Variants in GRK7 observed in about 807,000 individuals in gnomAD.
The protein encoded by GRK7 is G protein-coupled receptor kinase 7.
Under a neutral mutation model 34.1 loss-of-function variants are expected in GRK7, and 24 were observed. The ratio of observed to expected loss-of-function variants is 0.70; its 90% CI spans 0.51 to 0.99. The LOEUF is 0.99. GRK7 is among the 50% of genes least tolerant of loss of function. The pLI is 0.00. For synonymous variants in GRK7, 256 were observed against 279.4 expected (o/e 0.92, Z 0.84); for missense variants, 644 against 707.3 (o/e 0.91, Z 1.02).
intron 5 of GRK7, among the ~76,000 whole-genome samples, chr3:141,814,550 A>G (rs1053307253): frequency 7.9e-5 from 12 of 152,350 alleles, no homozygotes; most frequent in Middle Eastern, 3.4e-3. Context: ...TGCAAAGAAC[A>G]TGATTTCATT....
intron 4 of GRK7, among the ~76,000 whole-genome samples, chr3:141,794,659 C>T (rs2084740836): frequency 6.6e-6 from 1 of 152,102 alleles, no homozygotes; most frequent in African/African-American, 2.4e-5. Flanking sequence ...TGAAGTGAAA[C>T]AGATTGGAGG....
intron 5 of GRK7, among the ~76,000 whole-genome samples, chr3:141,810,832 A>G (rs1192713878): frequency 1.3e-5 from 2 of 152,148 alleles, no homozygotes; most frequent in African/African-American, 4.8e-5. Context: ...CTGCGTGCCC[A>G]GGAGTGAGAA....
At chr3:141,770,423 A>C (rs974003940) in intron 1 of GRK7, among the ~76,000 whole-genome samples, 1 of 152,204 alleles carries the variant, frequency 6.6e-6, no homozygotes, top group African/African-American at 2.4e-5. Flanking sequence ...TTCAACTAGG[A>C]GCCACCTAGT....
chr3:141,763,425 C>T lies in GRK7; in HGVS notation c.-2528C>T, dbSNP rs1165526270. ...TGCTGTAGCTTCCACCCTTAGCTCT[C>T]AAACCCACTAACTAACCCAGCAAAG... On this transcript the variant is annotated 5_prime_UTR_variant, in exon 1 of 6. Transcript: ENST00000682958. 6.6e-6 allele frequency among the ~76,000 whole-genome samples: 1 copy of T among 152,186 alleles called. No homozygotes were observed. The highest frequency in any genetic ancestry group is 1.9e-4 in the East Asian group (1 of 5,200).
chr3:141,779,685 C>T (rs894217821), intron 3 of GRK7, among the ~76,000 whole-genome samples: 8 of 152,180 alleles, frequency 5.3e-5, no homozygotes, highest in Non-Finnish European at 8.8e-5. Flanking sequence ...AGTGCCTCCC[C>T]ATCCCTCTCC....
chr3:141,786,021 A>C (rs1398508917), intron 4 of GRK7, among the ~76,000 whole-genome samples: 4 of 152,034 alleles, frequency 2.6e-5, no homozygotes, highest in Non-Finnish European at 5.9e-5. Flanking sequence ...TCTGCATTCC[A>C]GGAGAAGAAA....
chr3:141,795,696 T>C (rs1430852037), intron 4 of GRK7, among the ~76,000 whole-genome samples: 1 of 151,968 alleles, frequency 6.6e-6, no homozygotes, highest in African/African-American at 2.4e-5. Flanking sequence ...TCTCAGCATT[T>C]TGGGAGGCCA....
intron 4 of GRK7, 30 bp downstream of exon 4, chr3:141,780,841 G>A (rs367694292): frequency 9.8e-5 from 156 of 1,584,982 alleles, no homozygotes; most frequent in Non-Finnish European, 1.3e-4. Context: ...CCCCAAGTGC[G>A]GGGCACAGAG....
At chr3:141,756,329 T>G in the GRK7 span, among the ~76,000 whole-genome samples, 102,510 of 147,686 alleles carry the variant, frequency 0.69, 36,295 homozygotes, top group Middle Eastern at 0.82. Context: ...AAAAAAAAGG[T>G]GGGGGGGTGA....
chr3:141,757,129 C>CTTTTTTTTTTTTTTTTCTTTT, the GRK7 span, among the ~76,000 whole-genome samples: 1 of 101,360 alleles, frequency 9.9e-6, no homozygotes, highest in Non-Finnish European at 1.9e-5. Flanking sequence ...AGATCTTCTT[C>CTTTTTTTTTTTTTTTTCTTTT]TTTTTTTTTT....
intron 5 of GRK7, among the ~76,000 whole-genome samples, chr3:141,810,500 C>A (rs1711083138): frequency 6.6e-6 from 1 of 151,948 alleles, no homozygotes; most frequent in Non-Finnish European, 1.5e-5. Flanking sequence ...TTATTGGAGA[C>A]CTACAAATTA....
chr3:141,752,037 C>T, the GRK7 span, among the ~76,000 whole-genome samples: 157 of 152,268 alleles, frequency 1.0e-3, no homozygotes, highest in African/African-American at 3.7e-3. Flanking sequence ...CTAACTACAT[C>T]TTATCCTTAA....
In GRK7 at chr3:141,778,602, G is replaced by A. The variant is rs1373883084; in HGVS notation, c.318G>A (p.Leu106=). 6.2e-7 allele frequency: 1 copy of A among 1,612,498 alleles called. No individual in the cohort carries two copies. Among genetic ancestry groups the A allele is most frequent in the African/African-American group, 1.3e-5 (1 of 74,950 alleles). Residue 106 remains leucine (L), a synonymous_variant, in exon 3 of 6, where the codon CTG becomes CTA. Transcript: ENST00000682958. This position sits in a 1 kb window ranked among gnomAD's most constrained non-coding sequence, Gnocchi z 4.1. ...AEEGPTKDSA[L]QGLVATCASA... is the part of the protein sequence containing the mutation. ...AGGGACCCACCAAAGACAGCGCGCT[G>A]CAGGGGCTGGTGGCCACTTGTGCGA...
At chr3:141,776,324 T>C (rs2084638692) in intron 2 of GRK7, among the ~76,000 whole-genome samples, 1 of 152,018 alleles carries the variant, frequency 6.6e-6, no homozygotes, top group Non-Finnish European at 1.5e-5. Context: ...TATATATAAA[T>C]ATGTATATAT....
In GRK7 at chr3:141,815,224, TG is replaced by T. The variant is rs1320578514; in HGVS notation, c.1326-1488del. ...ACAGGCATGAGCCACCATGTCTGGT[TG>T]GTTTTTTTTGTTTGTTTGTTTGTTT... On this transcript the variant is annotated intron_variant, in intron 5 of 5. Coordinates refer to ENST00000682958, the MANE Select transcript of GRK7 (RefSeq NM_139209.3). 8.5e-4 allele frequency among the ~76,000 whole-genome samples: 105 copies of T among 123,156 alleles called. 4 individuals carry two copies. In the South Asian group the frequency reaches 0.027, roughly 32 times the overall value. The allele number at this position is 123,156 out of a possible 152,430, so 80.8% of individuals were successfully genotyped here.
chr3:141,807,921 T>C lies in GRK7; in HGVS notation c.1325+2T>C, dbSNP rs1711053878. 6.4e-7 allele frequency: 1 copy of C among 1,572,672 alleles called. No individual in the cohort carries two copies. The highest frequency in any genetic ancestry group is 8.6e-7 in the Non-Finnish European group (1 of 1,159,136). On this transcript the variant is annotated splice_donor_variant, in intron 5 of 5. Transcript: ENST00000682958. LOFTEE classifies it high-confidence loss of function. ...ACCAGAGCAACGCTTAGGAAGCAGG[T>C]AAACTAGCATGTAACAGAGAGGATT...
At position 141,764,428 on chromosome 3, in the gene GRK7, T is replaced by C. The variant is rs2084570424; in HGVS notation, c.-1525T>C. Among the ~76,000 whole-genome samples, 1 of 152,224 alleles carries C rather than the reference T, an allele frequency of 6.6e-6. No homozygotes were observed. Among genetic ancestry groups the C allele is most frequent in the South Asian group, 2.1e-4 (1 of 4,834 alleles). ...GTGACCTCCAAGTTGTTAAATTCAC[T>C]GACCAATTCTCAGTCCTTATCCCAC... On this transcript the variant is annotated 5_prime_UTR_variant, in exon 1 of 6. Transcript: ENST00000682958.
chr3:141,800,405 A>G (rs1029604728), intron 4 of GRK7, among the ~76,000 whole-genome samples: 14 of 124,382 alleles, frequency 1.1e-4, no homozygotes, highest in Non-Finnish European at 2.4e-4. Context: ...AAAAAAAAAA[A>G]CTCTTCAAAA....
At chr3:141,811,694 G>C (rs1027630018) in intron 5 of GRK7, among the ~76,000 whole-genome samples, 2 of 151,820 alleles carry the variant, frequency 1.3e-5, no homozygotes, top group Non-Finnish European at 1.5e-5. Context: ...TTAATCAAAC[G>C]AGATCACGTT....
Sources: gnomAD v4.1 joint callset for allele counts (sites outside exome capture counted in the v4.1 genomes callset) on GRCh38, gnomAD v4.1.1 for gene constraint, Gnocchi (gnomAD v3.1) non-coding constraint, MANE v1.5 for transcripts, NCBI Gene and HGNC (gene_info 2026-07-23, HGNC 2026-07-21) for gene names.